PHACTR2: variants seen among roughly 807,000 people sequenced by gnomAD.
PHACTR2 encodes phosphatase and actin regulator 2, also known as chromosome 6 open reading frame 56.
A neutral mutation model predicts 76.0 loss-of-function variants in PHACTR2; 30 were observed. The ratio of observed to expected loss-of-function variants is 0.39; its 90% CI spans 0.30 to 0.54. The LOEUF (loss-of-function observed/expected upper bound fraction) is 0.54, where lower values mean the gene tolerates loss of function less well. Ranked by LOEUF, PHACTR2 falls within the 20% of genes least tolerant of loss-of-function variation. The probability of loss-of-function intolerance (pLI) is 0.61; values close to 1 mark genes in which losing one functional copy is unlikely to be tolerated. For synonymous variants in PHACTR2, 292 were observed against 292.5 expected (o/e 1.00, Z 0.02); for missense variants, 696 against 781.1 (o/e 0.89, Z 1.30).
In PHACTR2 at chr6:143,775,319, A is replaced by AT. The variant is rs1295005277; in HGVS notation, c.1589+1105dup. ...TTGCGACTCTGGAAGAAATTTGGGA[A>AT]TGTTTACCAGTGGTCTCTCTCGCTC... On this transcript the variant is annotated intron_variant, in intron 8 of 12. Coordinates refer to ENST00000440869, the MANE Select transcript of PHACTR2 (RefSeq NM_001100164.2). The surrounding 1 kb of genome is among the most constrained non-coding windows in gnomAD (Gnocchi z 4.4). 2.0e-5 allele frequency among the ~76,000 whole-genome samples: 3 copies of AT among 152,126 alleles called. No individual in the cohort carries two copies. Among genetic ancestry groups the AT allele is most frequent in the African/African-American group, 7.2e-5 (3 of 41,402 alleles).
intron 1 of PHACTR2, among the ~76,000 whole-genome samples, chr6:143,704,913 C>CCACT (rs1428328058): frequency 6.6e-6 from 1 of 151,976 alleles, no homozygotes; most frequent in East Asian, 1.9e-4. Flanking sequence ...ACTGCAACCT[C>CCACT]TGCCTCCTGG....
At chr6:143,590,986 C>T (rs950072885) in intron 1 of PHACTR2, among the ~76,000 whole-genome samples, 9 of 152,112 alleles carry the variant, frequency 5.9e-5, no homozygotes, top group East Asian at 5.8e-4. Context: ...GAAAACTCGA[C>T]GTGTATATCC....
intron 2 of PHACTR2, among the ~76,000 whole-genome samples, chr6:143,724,643 T>C (rs1778518263): frequency 6.6e-6 from 1 of 152,122 alleles, no homozygotes; most frequent in Non-Finnish European, 1.5e-5. Context: ...AGGGTTACCT[T>C]TGGTTGTTTT....
At position 143,671,776 on chromosome 6, in the gene PHACTR2, C is replaced by T. The variant is rs186955286; in HGVS notation, c.14-40240C>T. ...TAGCATATATGTAACACAATATAGA[C>T]CCAAAGTCTTTTCATGGAGCAGGAA... is the stretch of plus-strand genomic sequence containing the variant. On this transcript the variant is annotated intron_variant, in intron 1 of 11. Coordinates refer to the PHACTR2 transcript ENST00000305766. This position sits in a 1 kb window ranked among gnomAD's most constrained non-coding sequence, Gnocchi z 4.6. Among the ~76,000 whole-genome samples the T allele has an allele frequency of 6.6e-6, 1 of 152,026 alleles. No homozygotes were observed. The highest frequency in any genetic ancestry group is 1.5e-5 in the Non-Finnish European group (1 of 68,000).
In PHACTR2 at chr6:143,546,715, G is replaced by C. The variant is rs1391390699; in HGVS notation, c.217+9508G>C. Among the ~76,000 whole-genome samples the C allele has an allele frequency of 6.6e-6, 1 of 151,940 alleles. No homozygotes were observed. Among genetic ancestry groups the C allele is most frequent in the Non-Finnish European group, 1.5e-5 (1 of 67,988 alleles). ...AGATGTTTGGAGAACAAGACAGAAA[G>C]GTGTGATAATGATAAAGAATGTGAT... On this transcript the variant is annotated intron_variant, in intron 1 of 11. Coordinates refer to the PHACTR2 transcript ENST00000367584. The surrounding 1 kb of genome is among the most constrained non-coding windows in gnomAD (Gnocchi z 4.9).
rs903122441 is a variant in PHACTR2, at chr6:143,578,205, G to A, written c.217+40998G>A. On this transcript the variant is annotated intron_variant, in intron 1 of 11. Coordinates refer to the PHACTR2 transcript ENST00000367584. The surrounding 1 kb of genome is among the most constrained non-coding windows in gnomAD (Gnocchi z 4.5). The stretch of plus-strand genomic sequence containing the variant: ...AGGGCTCCATGAGAGCTGGAGAGGG[G>A]TCCCCAGACCTCCATCCTCACGGTC... Among the ~76,000 whole-genome samples the A allele has an allele frequency of 6.6e-6, 1 of 152,202 alleles. No individual in the cohort carries two copies. The highest frequency in any genetic ancestry group is 6.5e-5 in the Admixed American group (1 of 15,290).
chr6:143,734,674 G>A (rs1295794921), intron 2 of PHACTR2, among the ~76,000 whole-genome samples: 1 of 152,124 alleles, frequency 6.6e-6, no homozygotes, highest in Non-Finnish European at 1.5e-5. Context: ...GATTGCTAAG[G>A]GGGATGTGGA....
intron 1 of PHACTR2, among the ~76,000 whole-genome samples, chr6:143,655,918 G>C (rs1256061979): frequency 6.6e-6 from 1 of 152,150 alleles, no homozygotes; most frequent in Non-Finnish European, 1.5e-5. Context: ...GTGAGAAAAA[G>C]AAGAAAACAG....
chr6:143,628,480 G>A (rs1473707207), intron 1 of PHACTR2, among the ~76,000 whole-genome samples: 3 of 152,072 alleles, frequency 2.0e-5, no homozygotes, highest in African/African-American at 7.3e-5. Flanking sequence ...CTAGCCTGTG[G>A]TCCCTTCTCC....
rs1203244676 is a variant in PHACTR2, at chr6:143,557,638, T to C, written c.217+20431T>C. On this transcript the variant is annotated intron_variant, in intron 1 of 11. Coordinates refer to the PHACTR2 transcript ENST00000367584. The surrounding 1 kb of genome is among the most constrained non-coding windows in gnomAD (Gnocchi z 5.5). Reference sequence around the variant, plus strand: ...TCTTCCAGACTCTTCCACACTCCAGTCGTTTTTCCTTGGCTGACTTCTTTC... The same window carrying C: ...TCTTCCAGACTCTTCCACACTCCAGCCGTTTTTCCTTGGCTGACTTCTTTC... 3 of 152,276 alleles carry C rather than the reference T, an allele frequency of 2.0e-5. No individual in the cohort carries two copies. The highest frequency in any genetic ancestry group is 4.4e-5 in the Non-Finnish European group (3 of 68,122). The allele number at this position is 152,276 out of a possible 1,614,324, so 9.4% of individuals were successfully genotyped here. A position where few individuals can be genotyped will look rare whatever the true frequency, so the allele number is the denominator to read the frequency against.
rs549394181 is a variant in PHACTR2, at chr6:143,716,951, A to G, written c.214+4768A>G. ...CTCTTGCCCCTCCATATCCTCTTGG[A>G]TAACCACCATCAGGAAACATTCCTC... is the stretch of plus-strand genomic sequence containing the variant. On this transcript the variant is annotated intron_variant, in intron 2 of 12. Transcript: ENST00000440869. Among the ~76,000 whole-genome samples the G allele has an allele frequency of 3.3e-5, 5 of 152,264 alleles. No individual in the cohort carries two copies. The East Asian group carries it at 5.8e-4, about 18-fold the overall frequency.
intron 5 of PHACTR2, among the ~76,000 whole-genome samples, chr6:143,762,219 A>G (rs905283776): frequency 6.6e-6 from 1 of 152,202 alleles, no homozygotes; most frequent in African/African-American, 2.4e-5. Context: ...CCTGTCTTGC[A>G]CTAACTTCTC....
chr6:143,598,577 G>C lies in PHACTR2; in HGVS notation c.217+61370G>C, dbSNP rs1775778350. Among the ~76,000 whole-genome samples, 1 of 152,218 alleles carries C rather than the reference G, an allele frequency of 6.6e-6. No individual in the cohort carries two copies. Among genetic ancestry groups the C allele is most frequent in the Non-Finnish European group, 1.5e-5 (1 of 68,038 alleles). On this transcript the variant is annotated intron_variant, in intron 1 of 11. Coordinates refer to the PHACTR2 transcript ENST00000367584. The surrounding 1 kb of genome is among the most constrained non-coding windows in gnomAD (Gnocchi z 4.1). ...ATAATAGGAAAGGAAAGTAAAAGCA[G>C]AAGTGTGGGCCAGGGAGGGATCGCA...
chr6:143,629,362 C>T (rs1582715875), intron 1 of PHACTR2, among the ~76,000 whole-genome samples: 1 of 151,994 alleles, frequency 6.6e-6, no homozygotes, highest in Non-Finnish European at 1.5e-5. Flanking sequence ...TTTAAAACCA[C>T]GTGAAGTTTC....
In PHACTR2 at chr6:143,695,112, T is replaced by C. The variant is rs1000272793; in HGVS notation, c.46+16903T>C. On this transcript the variant is annotated intron_variant, in intron 1 of 12. Transcript: ENST00000440869. This position sits in a 1 kb window ranked among gnomAD's most constrained non-coding sequence, Gnocchi z 4.4. ...TCCTTAAACCTCAGAAATTATTTAA[T>C]TTTATAGGCATCTCTTGGACCAGGA... 2.0e-5 allele frequency among the ~76,000 whole-genome samples: 3 copies of C among 152,192 alleles called. No individual in the cohort carries two copies. Among genetic ancestry groups the C allele is most frequent in the South Asian group, 2.1e-4 (1 of 4,828 alleles).
chr6:143,785,658 C>T (rs953397187), intron 10 of PHACTR2, among the ~76,000 whole-genome samples: 3 of 152,190 alleles, frequency 2.0e-5, no homozygotes, highest in African/African-American at 7.2e-5. Context: ...CCACCCCCAA[C>T]CCTGCCCATG....
intron 2 of PHACTR2, among the ~76,000 whole-genome samples, chr6:143,728,204 T>A (rs535465162): frequency 9.7e-5 from 14 of 145,052 alleles, no homozygotes; most frequent in African/African-American, 3.4e-4. Context: ...TCTTTCCTTT[T>A]TTTTTTTCTT....
chr6:143,680,659 G>A lies in PHACTR2; in HGVS notation c.46+2450G>A, dbSNP rs990312739. 3.9e-5 allele frequency among the ~76,000 whole-genome samples: 6 copies of A among 152,258 alleles called. No homozygotes were observed. Among genetic ancestry groups the A allele is most frequent in the Non-Finnish European group, 7.4e-5 (5 of 67,992 alleles). ...TATTAAAAAGAACAGCTGTATTGAT[G>A]TATAATTCACATACTATAAAATTCA... On this transcript the variant is annotated intron_variant, in intron 1 of 12. Transcript: ENST00000440869. The surrounding 1 kb of genome is among the most constrained non-coding windows in gnomAD (Gnocchi z 4.5).
In PHACTR2 at chr6:143,761,190, G is replaced by A. The variant is rs577660160; in HGVS notation, c.694+550G>A. ...CCACCCCACCACTTTCTACTGCAGTGAAAACTATTTCAGTGGAGTGGAAAG... is the reference window on the plus strand; with the variant it reads ...CCACCCCACCACTTTCTACTGCAGTAAAAACTATTTCAGTGGAGTGGAAAG... On this transcript the variant is annotated intron_variant, in intron 5 of 12. Transcript: ENST00000440869. This position sits in a 1 kb window ranked among gnomAD's most constrained non-coding sequence, Gnocchi z 5.2. 6.6e-6 allele frequency among the ~76,000 whole-genome samples: 1 copy of A among 152,316 alleles called. No individual in the cohort carries two copies. The highest frequency in any genetic ancestry group is 2.1e-4 in the South Asian group (1 of 4,824).
Sources: allele counts gnomAD v4.1 joint callset (sites outside exome capture counted in the v4.1 genomes callset), GRCh38; gene constraint gnomAD v4.1.1; non-coding constraint Gnocchi (gnomAD v3.1); transcripts MANE v1.5; gene names NCBI Gene and HGNC (gene_info 2026-07-23, HGNC 2026-07-21).